The following VCAN variants were observed in gnomAD, a reference collection of about 807,000 sequenced individuals.
The protein encoded by VCAN is versican, also known as versican core protein.
A neutral mutation model predicts 245.5 loss-of-function variants in VCAN; 44 were observed. The observed-to-expected ratio is 0.18, with a 90% CI of 0.14 to 0.23. VCAN has a LOEUF of 0.23. Ranked by LOEUF, VCAN falls within the 10% of genes least tolerant of loss-of-function variation. The pLI, the probability that VCAN is intolerant of heterozygous loss-of-function variation, is 1.00. For synonymous variants in VCAN, 1,413 were observed against 1,437.0 expected, an observed-to-expected ratio of 0.98 and a Z score of 0.38; for missense variants, 3,793 against 4,057.9, an observed-to-expected ratio of 0.93 and a Z score of 1.77.
At chr5:83,478,115 G>A (rs189887540) in intron 1 of VCAN, among the ~76,000 whole-genome samples, 129 of 151,888 alleles carry the variant, frequency 8.5e-4, no homozygotes, top group African/African-American at 2.9e-3. Flanking sequence ...GCTAATTTTC[G>A]TGTTTTTAGT....
chr5:83,507,366 A>C (rs1468520025), intron 5 of VCAN, among the ~76,000 whole-genome samples: 1 of 152,214 alleles, frequency 6.6e-6, no homozygotes, highest in Admixed American at 6.5e-5. Flanking sequence ...ATGCTACTAA[A>C]ATAGTCATTT....
At chr5:83,572,263 A>G (rs1389748436) in intron 12 of VCAN, among the ~76,000 whole-genome samples, 153 bp from the exon 13 acceptor site, 1 of 152,216 alleles carries the variant, frequency 6.6e-6, no homozygotes, top group Non-Finnish European at 1.5e-5. Flanking sequence ...TCACAGTTTA[A>G]CAGTCTTTTT....
chr5:83,525,158 G>A (rs1746246491), intron 7 of VCAN, among the ~76,000 whole-genome samples: 1 of 151,286 alleles, frequency 6.6e-6, no homozygotes, highest in Admixed American at 6.6e-5. Flanking sequence ...TAGCTAGAGG[G>A]CAACTGTAGT....
At chr5:83,572,286 A>G (rs1748315364) in intron 12 of VCAN, 130 bp from the exon 13 acceptor site, 5 of 1,155,444 alleles carry the variant, frequency 4.3e-6, no homozygotes, top group Non-Finnish European at 6.4e-6. Flanking sequence ...GTACCACCAA[A>G]ATAATTTCAG....
At chr5:83,483,618 A>C in intron 2 of VCAN, 30 bp downstream of exon 2, 1 of 1,595,328 alleles carries the variant, frequency 6.3e-7, no homozygotes, top group Non-Finnish European at 8.6e-7. Context: ...CTTTGGTGTT[A>C]ATTGAAATAA....
intron 13 of VCAN, among the ~76,000 whole-genome samples, chr5:83,574,274 C>T (rs1748397908): frequency 6.6e-6 from 1 of 152,160 alleles, no homozygotes; most frequent in Non-Finnish European, 1.5e-5. Flanking sequence ...CTGAGACGTG[C>T]CCCAAATAAT....
chr5:83,495,082 TA>T (rs1745114804), intron 5 of VCAN, among the ~76,000 whole-genome samples: 1 of 152,252 alleles, frequency 6.6e-6, no homozygotes, highest in Non-Finnish European at 1.5e-5. Flanking sequence ...ATTAGAATCC[TA>T]AAGTATAGAT....
intron 7 of VCAN, chr5:83,531,286 A>T (rs1018682209): frequency 6.6e-6 from 1 of 152,162 alleles, no homozygotes; most frequent in African/African-American, 2.4e-5. Context: ...GTACACAGTA[A>T]GTACCATGAG....
At chr5:83,475,948 A>G (rs1356617338) in intron 1 of VCAN, among the ~76,000 whole-genome samples, 1 of 152,234 alleles carries the variant, frequency 6.6e-6, no homozygotes, top group African/African-American at 2.4e-5. Context: ...CCCTAGATTT[A>G]CATAGGTTTA....
At chr5:83,509,083 G>A (rs200805303) in intron 5 of VCAN, among the ~76,000 whole-genome samples, 1 of 141,104 alleles carries the variant, frequency 7.1e-6, no homozygotes, top group Non-Finnish European at 1.5e-5. Context: ...AAGAAAGAAA[G>A]AGAAAGAAAG....
At chr5:83,577,550 T>C (rs1283750036) in intron 13 of VCAN, among the ~76,000 whole-genome samples, 1 of 152,174 alleles carries the variant, frequency 6.6e-6, no homozygotes, top group African/African-American at 2.4e-5. Context: ...AGGTAGATCC[T>C]GGCATTTGGC....
At chr5:83,567,382 C>T (rs1392517703) in intron 12 of VCAN, among the ~76,000 whole-genome samples, 1 of 152,104 alleles carries the variant, frequency 6.6e-6, no homozygotes, top group Admixed American at 6.6e-5. Context: ...CTCACTGCAA[C>T]CTCCACCTCC....
intron 7 of VCAN, among the ~76,000 whole-genome samples, chr5:83,530,217 A>G (rs1191299601): frequency 1.3e-5 from 2 of 150,906 alleles, no homozygotes; most frequent in South Asian, 2.1e-4. Context: ...TTTGATAACT[A>G]CCAATTTAAT....
At chr5:83,493,379 C>A (rs533612152) in intron 3 of VCAN, among the ~76,000 whole-genome samples, 167 bp from the exon 4 acceptor site, 1 of 152,240 alleles carries the variant, frequency 6.6e-6, no homozygotes, top group East Asian at 1.9e-4. Flanking sequence ...TGGAGCCCCT[C>A]AAATCAACAT....
At chr5:83,570,095 A>G (rs1434706601) in intron 12 of VCAN, among the ~76,000 whole-genome samples, 1 of 152,114 alleles carries the variant, frequency 6.6e-6, no homozygotes, top group Admixed American at 6.6e-5. Flanking sequence ...TCCTGGTTGC[A>G]GGGAGACCTA....
In VCAN at chr5:83,471,992, T is replaced by C. The variant is rs938966985; in HGVS notation, c.-38T>C. 7.8e-6 allele frequency: 3 copies of C among 383,106 alleles called. No homozygotes were observed. The highest frequency in any genetic ancestry group is 2.1e-5 in the African/African-American group (1 of 48,192). 23.7% of individuals were successfully genotyped at this position (383,106 alleles called of 1,614,324 possible). On this transcript the variant is annotated 5_prime_UTR_variant, in exon 1 of 15. Transcript: ENST00000265077. ...AGTCGCGCAGCGCTGCAGTGAATTT[T>C]CCCCCCAAACTGCAATAAGCCGCCT... is the stretch of plus-strand genomic sequence containing the variant.
intron 3 of VCAN, among the ~76,000 whole-genome samples, chr5:83,490,802 C>T (rs899717972): frequency 3.9e-5 from 6 of 152,032 alleles, no homozygotes; most frequent in Admixed American, 6.5e-5. Flanking sequence ...ACTCTGAAGG[C>T]GAATCTACAT....
intron 2 of VCAN, among the ~76,000 whole-genome samples, chr5:83,483,984 A>C (rs1429474703): frequency 6.6e-6 from 1 of 152,212 alleles, no homozygotes. Context: ...GAGAAAGCTG[A>C]CAGCCATGTT....
In VCAN at chr5:83,522,087, A is replaced by G; in HGVS notation, c.3781A>G (p.Thr1261Ala). The G allele has an allele frequency of 1.9e-6, 3 of 1,614,230 alleles. No homozygotes were observed. Among genetic ancestry groups the G allele is most frequent in the Non-Finnish European group, 2.5e-6 (3 of 1,180,036 alleles). ...IGESTSHVPPTTLEDIVAKET... is the reference protein window; with the variant it reads ...IGESTSHVPPATLEDIVAKET... ...AGAATCAACATCTCATGTTCCTCCC[A>G]CTACCCTTGAAGATATTGTAGCCAA... The change falls in exon 7 of 15, where the codon ACT becomes GCT. Residue 1261 changes from threonine (T) to alanine (A), a missense_variant. By Grantham distance (58) the Thr-to-Ala change is moderately conservative. This residue lies in a region of VCAN where 3,182 missense variants were observed against 3,250.3 expected (regional missense o/e 0.98). Transcript: ENST00000265077.
Sources: gnomAD v4.1 joint callset for allele counts (sites outside exome capture counted in the v4.1 genomes callset) on GRCh38, gnomAD v4.1.1 for gene constraint, gnomAD v4.1.1 regional missense constraint, MANE v1.5 for transcripts, NCBI Gene and HGNC (gene_info 2026-07-23, HGNC 2026-07-21) for gene names.